ITSN1: variants seen among roughly 807,000 people sequenced by gnomAD.
The protein encoded by ITSN1 is intersectin-1.
ITSN1 carries 58 observed loss-of-function variants against 239.8 expected under a neutral mutation model. The observed-to-expected ratio is 0.24, with a 90% CI of 0.20 to 0.30. The LOEUF (loss-of-function observed/expected upper bound fraction) is 0.30, where lower values mean the gene tolerates loss of function less well. Ranked by LOEUF, ITSN1 falls within the 10% of genes least tolerant of loss-of-function variation. ITSN1 has a pLI of 1.00. For synonymous variants in ITSN1, 780 were observed against 770.8 expected (o/e 1.01, Z -0.20); for missense variants, 1,558 against 2,103.3 (o/e 0.74, Z 5.07).
At position 33,854,355 on chromosome 21, in the gene ITSN1, G is replaced by A. The variant is rs375168543; in HGVS notation, c.3662-2381G>A. Among the ~76,000 whole-genome samples, 37 of 152,304 alleles carry A rather than the reference G, an allele frequency of 2.4e-4. No homozygotes were observed. The East Asian group carries it at 5.0e-3, about 21-fold the overall frequency. ...CAATATTCTAATCTCCCTGCAGAAG[G>A]GACCATCCTGAACGCTCCAGGGACT... On this transcript the variant is annotated intron_variant, in intron 29 of 39. Coordinates refer to ENST00000381318, the MANE Select transcript of ITSN1 (RefSeq NM_003024.3).
At chr21:33,675,629 A>C (rs1489314413) in intron 1 of ITSN1, among the ~76,000 whole-genome samples, 44 of 152,176 alleles carry the variant, frequency 2.9e-4, no homozygotes, top group East Asian at 9.6e-4. Context: ...AAGGGCATAG[A>C]AGTTTCTGTT....
At chr21:33,781,906 T>G (rs896995038) in intron 15 of ITSN1, 88 bp from the exon 16 acceptor site, 29 of 1,279,186 alleles carry the variant, frequency 2.3e-5, no homozygotes, top group Non-Finnish European at 3.0e-5. Flanking sequence ...CAGCAAGAAT[T>G]TCCTTAAGTG....
At chr21:33,817,342 C>T (rs975135936) in intron 22 of ITSN1, 17 of 1,304,332 alleles carry the variant, frequency 1.3e-5, no homozygotes, top group Non-Finnish European at 1.6e-5. Flanking sequence ...GCCCATGCTG[C>T]GCCCTCGGCC....
chr21:33,818,543 T>G, intron 23 of ITSN1, 71 bp downstream of exon 23: 1 of 1,306,868 alleles, frequency 7.7e-7, no homozygotes, highest in Non-Finnish European at 1.1e-6. Flanking sequence ...TTGCACTAGT[T>G]AAGATTCACA....
chr21:33,886,946 T>C (rs2148572002), intron 39 of ITSN1, among the ~76,000 whole-genome samples: 1 of 152,282 alleles, frequency 6.6e-6, no homozygotes, highest in Middle Eastern at 3.4e-3. Flanking sequence ...TCAGCCAGCC[T>C]TCTGTTTCTG....
chr21:33,772,446 A>ACC, intron 12 of ITSN1, 123 bp downstream of exon 12: 2 of 1,208,250 alleles, frequency 1.7e-6, no homozygotes, highest in Non-Finnish European at 2.3e-6. Context: ...GTATATTCCC[A>ACC]AAGTTGTGCA....
intron 16 of ITSN1, among the ~76,000 whole-genome samples, chr21:33,785,385 A>G (rs1040296884): frequency 1.3e-5 from 2 of 152,238 alleles, no homozygotes; most frequent in African/African-American, 2.4e-5. Context: ...GGTTCAGCCC[A>G]GATTCTGAGT....
chr21:33,864,180 G>T (rs1225663874), intron 31 of ITSN1, among the ~76,000 whole-genome samples: 2 of 152,190 alleles, frequency 1.3e-5, no homozygotes, highest in African/African-American at 4.8e-5. Context: ...CATGAAAGCA[G>T]CCAAAGGCAT....
rs545799242 is a variant in ITSN1 at position 33,860,304 on chromosome 21, T to C, written c.3890+1512T>C. Among the ~76,000 whole-genome samples, 10 of 141,550 alleles carry C rather than the reference T, an allele frequency of 7.1e-5. 1 individual carries two copies. The highest frequency in any genetic ancestry group is 2.7e-4 in the African/African-American group (10 of 37,492). 92.9% of individuals were successfully genotyped at this position (141,550 alleles called of 152,430 possible). A position where few individuals can be genotyped will look rare whatever the true frequency, so the allele number is the denominator to read the frequency against. On this transcript the variant is annotated intron_variant, in intron 31 of 39. Coordinates refer to ENST00000381318, the MANE Select transcript of ITSN1 (RefSeq NM_003024.3). ...CCTGGGCCACGGGAGTGAAACCCTG[T>C]CTCAAAAAAAGAAAAAAAAAAAAAA...
intron 1 of ITSN1, among the ~76,000 whole-genome samples, chr21:33,686,774 C>T (rs2091262411): frequency 1.3e-5 from 2 of 152,144 alleles, no homozygotes; most frequent in Admixed American, 6.5e-5. Context: ...TGAGGTCCTG[C>T]ATGTTACCTG....
chr21:33,643,960 T>G (rs1474840300), intron 1 of ITSN1: 2 of 152,250 alleles, frequency 1.3e-5, no homozygotes, highest in Non-Finnish European at 2.9e-5. Context: ...TCATGGATTA[T>G]GTAGTGGACA....
Position 33,775,008 on chromosome 21 carries a change from T to C in ITSN1, c.1496T>C (p.Ile499Thr), listed in dbSNP as rs1049465197. The change falls in exon 14 of 40, where the codon ATC becomes ACC. Residue 499 changes from isoleucine (I) to threonine (T), a missense_variant. Physicochemically the swap from Ile to Thr is moderately conservative, Grantham distance 89 (BLOSUM62 -1). Around this residue, in one of 2 missense-constraint regions of ITSN1, gnomAD observed 982 missense variants for 1,209.9 expected, o/e 0.81. Transcript: ENST00000381318. Reference protein sequence around the residue: ...KHQLEGKLQDIRCRLTTQRQE... With the variant: ...KHQLEGKLQDTRCRLTTQRQE... ...CAACTAGAAGGGAAACTTCAAGATA[T>C]CAGATGTCGATTGACCACCCAAAGG... 5.0e-6 allele frequency: 8 copies of C among 1,613,632 alleles called. No homozygotes were observed. The African/African-American group carries it at 8.0e-5, about 16-fold the overall frequency.
chr21:33,708,118 C>G (rs528738846), intron 1 of ITSN1, among the ~76,000 whole-genome samples: 2 of 152,252 alleles, frequency 1.3e-5, no homozygotes, highest in African/African-American at 4.8e-5. Flanking sequence ...TTGCATTTCC[C>G]TGATGATTAA....
At chr21:33,806,543 G>A (rs1478781340) in intron 20 of ITSN1, among the ~76,000 whole-genome samples, 1 of 152,252 alleles carries the variant, frequency 6.6e-6, no homozygotes, top group African/African-American at 2.4e-5. Flanking sequence ...AAACGGACTT[G>A]AAGCTGAAGT....
intron 5 of ITSN1, among the ~76,000 whole-genome samples, 190 bp from the exon 6 acceptor site, chr21:33,749,953 C>CTTGA (rs1190900212): frequency 6.6e-6 from 1 of 152,106 alleles, no homozygotes; most frequent in Non-Finnish European, 1.5e-5. Flanking sequence ...CAGGTTGAGT[C>CTTGA]TTGAGTCCTT....
chr21:33,880,653 A>G (rs1984736739), intron 34 of ITSN1, among the ~76,000 whole-genome samples: 1 of 152,078 alleles, frequency 6.6e-6, no homozygotes. Flanking sequence ...GGTGGCCATC[A>G]GCTTCTTTTG....
intron 1 of ITSN1, among the ~76,000 whole-genome samples, chr21:33,658,293 A>G (rs528286604): frequency 1.6e-4 from 24 of 152,288 alleles, no homozygotes; most frequent in African/African-American, 5.8e-4. Flanking sequence ...CTCAGGGGTG[A>G]CAAAGGTAGA....
chr21:33,680,190 G>T (rs1436367756), intron 1 of ITSN1, among the ~76,000 whole-genome samples: 1 of 151,968 alleles, frequency 6.6e-6, no homozygotes, highest in Non-Finnish European at 1.5e-5. Flanking sequence ...GAAGCAGTGG[G>T]GGTTTTATTC....
chr21:33,789,066 T>A (rs561315926), intron 16 of ITSN1, among the ~76,000 whole-genome samples: 1 of 152,360 alleles, frequency 6.6e-6, no homozygotes, highest in South Asian at 2.1e-4. Flanking sequence ...AAATTTTCCA[T>A]ACAGGCACAA....
Sources: gnomAD v4.1 joint callset for allele counts (sites outside exome capture counted in the v4.1 genomes callset) on GRCh38, gnomAD v4.1.1 for gene constraint, gnomAD v4.1.1 regional missense constraint, MANE v1.5 for transcripts, NCBI Gene and HGNC (gene_info 2026-07-23, HGNC 2026-07-21) for gene names.